ACTR3: variants seen among roughly 807,000 people sequenced by gnomAD.
ACTR3 encodes the protein actin-related protein 3.
A neutral mutation model predicts 56.8 loss-of-function variants in ACTR3; 12 were observed. The ratio of observed to expected loss-of-function variants is 0.21; its 90% CI spans 0.14 to 0.34. ACTR3 has a LOEUF of 0.34. ACTR3 is among the 10% of genes least tolerant of loss of function. ACTR3 has a pLI of 1.00. For synonymous variants in ACTR3, 162 were observed against 167.4 expected (o/e 0.97, Z 0.25); for missense variants, 282 against 512.5 (o/e 0.55, Z 4.34).
intron 4 of ACTR3, among the ~76,000 whole-genome samples, chr2:113,928,747 G>T (rs1053929889): frequency 2.0e-5 from 3 of 152,030 alleles, no homozygotes; most frequent in Admixed American, 1.3e-4. Context: ...TATTTGACCT[G>T]CAGGATGCAT....
chr2:113,925,616 A>G (rs1679605696), intron 3 of ACTR3, among the ~76,000 whole-genome samples: 1 of 152,218 alleles, frequency 6.6e-6, no homozygotes, highest in Non-Finnish European at 1.5e-5. Context: ...AGTGGCTTAC[A>G]GTAGGTACAC....
rs975230584 is a variant in ACTR3 at position 113,961,645 on chromosome 2, TTGAC to T, written c.*4193_*4196del. 42 of 152,094 alleles carry T rather than the reference TTGAC, an allele frequency of 2.8e-4. No homozygotes were observed. Among genetic ancestry groups the T allele is most frequent in the African/African-American group, 9.9e-4 (41 of 41,558 alleles). The allele number at this position is 152,094 out of a possible 1,614,324, so 9.4% of individuals were successfully genotyped here. On this transcript the variant is annotated 3_prime_UTR_variant, in exon 12 of 12. Transcript: ENST00000263238. The stretch of plus-strand genomic sequence containing the variant: ...GAGCCTTCAATCCCAGAAGCATTGA[TTGAC>T]TGTCTACTGTGGTTCAAGTACTGTG...
chr2:113,927,602 A>G, intron 4 of ACTR3, 147 bp downstream of exon 4: 1 of 540,876 alleles, frequency 1.8e-6, no homozygotes, highest in South Asian at 3.3e-5. Flanking sequence ...CTTTAAGACC[A>G]TCTAGTTATG....
At position 113,958,212 on chromosome 2, in the gene ACTR3, ATATT is replaced by A. The variant is rs1680258345; in HGVS notation, c.*760_*763del. 6.6e-6 allele frequency: 1 copy of A among 152,648 alleles called. No individual in the cohort carries two copies. The highest frequency in any genetic ancestry group is 2.4e-5 in the African/African-American group (1 of 41,478). The allele number at this position is 152,648 out of a possible 1,614,324, so 9.5% of individuals were successfully genotyped here. ...ACAACAATAATTTATCAAAATTGGCATATTTAAAGCCTAACATTCTAATAAAGGC... is the reference window on the plus strand; with the variant it reads ...ACAACAATAATTTATCAAAATTGGCATAAAGCCTAACATTCTAATAAAGGC... On this transcript the variant is annotated 3_prime_UTR_variant, in exon 12 of 12. Transcript: ENST00000263238.
At chr2:113,938,141 C>G (rs1679861317) in intron 6 of ACTR3, among the ~76,000 whole-genome samples, 1 of 151,636 alleles carries the variant, frequency 6.6e-6, no homozygotes, top group Non-Finnish European at 1.5e-5. Context: ...TTCTTTTCAT[C>G]TGGTAGATTT....
At chr2:113,956,836 T>C (rs753489014) in intron 11 of ACTR3, among the ~76,000 whole-genome samples, 37 of 152,234 alleles carry the variant, frequency 2.4e-4, no homozygotes, top group Non-Finnish European at 4.4e-4. Flanking sequence ...AATTGGGCCA[T>C]ATAACCTAGT....
intron 6 of ACTR3, among the ~76,000 whole-genome samples, chr2:113,937,587 T>G (rs192200546): frequency 6.6e-6 from 1 of 152,246 alleles, no homozygotes; most frequent in Non-Finnish European, 1.5e-5. Flanking sequence ...AAAAAGTCTT[T>G]ATTCTCCTTT....
At chr2:113,940,692 G>T (rs1316303124) in intron 7 of ACTR3, among the ~76,000 whole-genome samples, 4 of 150,036 alleles carry the variant, frequency 2.7e-5, no homozygotes, top group Admixed American at 6.6e-5. Flanking sequence ...AAAAATTTCA[G>T]TGGGTTTCAC....
Position 113,942,169 on chromosome 2 carries a change from G to A in ACTR3, c.685-17G>A. ...ATAATAAGCAAAAAAAGTTACTTTT[G>A]TTTCTTTGTTTTTCAGGAGCGCTAT... is the stretch of plus-strand genomic sequence containing the variant. On this transcript the variant is annotated splice_polypyrimidine_tract_variant and intron_variant, in intron 7 of 11. Transcript: ENST00000263238. 6.5e-7 allele frequency: 1 copy of A among 1,527,442 alleles called. No individual in the cohort carries two copies. The highest frequency in any genetic ancestry group is 8.7e-7 in the Non-Finnish European group (1 of 1,148,990). 94.6% of individuals were successfully genotyped at this position (1,527,442 alleles called of 1,614,324 possible). A position where few individuals can be genotyped will look rare whatever the true frequency, so the allele number is the denominator to read the frequency against.
chr2:113,930,457 T>C (rs1475507117), intron 4 of ACTR3, among the ~76,000 whole-genome samples: 1 of 152,204 alleles, frequency 6.6e-6, no homozygotes, highest in East Asian at 1.9e-4. Flanking sequence ...GAGTTATTCC[T>C]ACCTTAAGGT....
chr2:113,942,284 T>C lies in ACTR3; in HGVS notation c.783T>C (p.Ala261=), dbSNP rs1574378653. The change falls in exon 8 of 12, where the codon GCT becomes GCC. Residue 261 remains alanine, a synonymous_variant. Transcript: ENST00000263238. ...KWIKQYTGIN[A]ISKKEFSIDV... ...TTAAACAGTATACTGGAATCAATGCTATCTCAAAGAAAGAGTTTTCTATCG... is the reference window on the plus strand; with the variant it reads ...TTAAACAGTATACTGGAATCAATGCCATCTCAAAGAAAGAGTTTTCTATCG... The C allele has an allele frequency of 1.2e-6, 2 of 1,604,452 alleles. No individual in the cohort carries two copies. Among genetic ancestry groups the C allele is most frequent in the East Asian group, 2.3e-5 (1 of 44,280 alleles).
intron 5 of ACTR3, among the ~76,000 whole-genome samples, chr2:113,931,831 G>C (rs1228767670): frequency 6.7e-6 from 1 of 148,346 alleles, no homozygotes; most frequent in African/African-American, 2.5e-5. Context: ...CTCTTAATTT[G>C]TACGTTTATC....
intron 1 of ACTR3, among the ~76,000 whole-genome samples, chr2:113,908,386 T>C (rs1020898419): frequency 6.6e-6 from 1 of 151,916 alleles, no homozygotes; most frequent in African/African-American, 2.4e-5. Flanking sequence ...AGTTATTTCA[T>C]GTGTAAAACT....
intron 11 of ACTR3, 82 bp from the exon 12 acceptor site, chr2:113,957,278 A>G (rs3748996): frequency 0.034 from 32,278 of 948,574 alleles, 1,741 homozygotes; most frequent in East Asian, 0.24. Context: ...ATTTTAAAGC[A>G]TCACTCTTAA....
chr2:113,939,082 G>A (rs1679879335), intron 6 of ACTR3, among the ~76,000 whole-genome samples: 1 of 151,084 alleles, frequency 6.6e-6, no homozygotes, highest in African/African-American at 2.4e-5. Context: ...GGAGTGCAGT[G>A]GTGCGATCTC....
intron 6 of ACTR3, among the ~76,000 whole-genome samples, chr2:113,939,002 CA>C (rs1175607671): frequency 6.6e-6 from 1 of 151,906 alleles, no homozygotes; most frequent in African/African-American, 2.4e-5. Flanking sequence ...TGCCGATTGT[CA>C]AATGTCTGAA....
Position 113,951,510 on chromosome 2 carries a change from C to T in ACTR3, c.890C>T (p.Ser297Leu). 6.2e-7 allele frequency: 1 copy of T among 1,612,794 alleles called. No homozygotes were observed. Among genetic ancestry groups the T allele is most frequent in the Non-Finnish European group, 8.5e-7 (1 of 1,179,016 alleles). Reference sequence around the variant, plus strand: ...AATCCAGACTTTACACAACCTATCTCAGAAGTTGTAGATGAAGTAATTCAG... The same window carrying T: ...AATCCAGACTTTACACAACCTATCTTAGAAGTTGTAGATGAAGTAATTCAG... ...FANPDFTQPI[S>L]EVVDEVIQNC... is the part of the protein sequence containing the mutation. Residue 297 changes from serine (S) to leucine (L), a missense_variant, in exon 9 of 12, where the codon TCA becomes TTA. Transcript: ENST00000263238.
chr2:113,935,817 G>C (rs778814756), intron 6 of ACTR3, among the ~76,000 whole-genome samples: 4 of 152,042 alleles, frequency 2.6e-5, no homozygotes, highest in Non-Finnish European at 5.9e-5. Context: ...TAATTGACTT[G>C]CCTAAGGTCA....
intron 1 of ACTR3, among the ~76,000 whole-genome samples, chr2:113,893,101 GGTGGCTTGAAAAC>G (rs1678937438): frequency 1.3e-5 from 2 of 152,108 alleles, no homozygotes; most frequent in Non-Finnish European, 2.9e-5. Context: ...GATTCCCATT[GGTGGCTTGAAAAC>G]TAAATAACAG....
Sources: allele counts gnomAD v4.1 joint callset (sites outside exome capture counted in the v4.1 genomes callset), GRCh38; gene constraint gnomAD v4.1.1; transcripts MANE v1.5; gene names NCBI Gene and HGNC (gene_info 2026-07-23, HGNC 2026-07-21).